The following ARHGAP10 variants were observed in gnomAD, a reference collection of about 807,000 sequenced individuals.
ARHGAP10 encodes the protein Rho GTPase activating protein 10.
A neutral mutation model predicts 108.6 loss-of-function variants in ARHGAP10; 87 were observed. The ratio of observed to expected loss-of-function variants is 0.80; its 90% CI spans 0.67 to 0.96. The LOEUF is 0.96. ARHGAP10 is among the 40% of genes least tolerant of loss of function. The pLI, the probability that ARHGAP10 is intolerant of heterozygous loss-of-function variation, is 0.00. For synonymous variants in ARHGAP10, 347 were observed against 341.1 expected, an observed-to-expected ratio of 1.02 and a Z score of -0.19; for missense variants, 939 against 954.5, an observed-to-expected ratio of 0.98 and a Z score of 0.21.
chr4:147,923,205 A>G (rs1737319519), intron 13 of ARHGAP10, among the ~76,000 whole-genome samples: 1 of 152,204 alleles, frequency 6.6e-6, no homozygotes, highest in Non-Finnish European at 1.5e-5. Flanking sequence ...AACTGTGGGT[A>G]ATATATTAGA....
chr4:147,872,074 C>G (rs1365288142), intron 7 of ARHGAP10, among the ~76,000 whole-genome samples: 1 of 146,866 alleles, frequency 6.8e-6, no homozygotes, highest in Non-Finnish European at 1.5e-5. Context: ...TTTACTCCAG[C>G]CTGACCAACA....
intron 5 of ARHGAP10, chr4:147,862,813 A>G (rs1468680690): frequency 2.0e-5 from 3 of 152,240 alleles, no homozygotes. Context: ...ATAACAAATG[A>G]GGAAATCACC....
In ARHGAP10 at chr4:147,732,093, G is replaced by A; in HGVS notation, c.-209G>A. ...CGGCGGGGGCTGCCGGGATTGGGGC[G>A]CCGCAGCTAGCGCTGGTCTCGGTGG... is the stretch of plus-strand genomic sequence containing the variant. On this transcript the variant is annotated 5_prime_UTR_variant, in exon 1 of 23. Transcript: ENST00000336498. 5.9e-6 allele frequency: 2 copies of A among 340,638 alleles called. No homozygotes were observed. The highest frequency in any genetic ancestry group is 1.0e-5 in the Non-Finnish European group (2 of 196,904). 21.1% of individuals were successfully genotyped at this position (340,638 alleles called of 1,614,324 possible).
chr4:147,755,805 G>T (rs964706359), intron 1 of ARHGAP10, among the ~76,000 whole-genome samples: 6 of 151,898 alleles, frequency 4.0e-5, no homozygotes, highest in African/African-American at 1.4e-4. Flanking sequence ...GTGGTTGTGG[G>T]TGTGTGTGTG....
intron 22 of ARHGAP10, among the ~76,000 whole-genome samples, chr4:148,071,634 C>CA (rs1255734211): frequency 3.1e-4 from 33 of 105,206 alleles, no homozygotes; most frequent in Admixed American, 1.1e-3. Context: ...AACAAACAAA[C>CA]AAACAAAAAA....
At chr4:147,839,130 ATCTATCTATCTATCTGTCTG>A (rs1195023629) in intron 3 of ARHGAP10, among the ~76,000 whole-genome samples, 3 of 147,886 alleles carry the variant, frequency 2.0e-5, no homozygotes, top group African/African-American at 7.7e-5. Context: ...CTATCTATCT[ATCTATCTATCTATCTGTCTG>A]TCTGTCTATG....
chr4:148,037,356 T>G (rs996641263), intron 19 of ARHGAP10, among the ~76,000 whole-genome samples: 2 of 152,204 alleles, frequency 1.3e-5, no homozygotes, highest in African/African-American at 4.8e-5. Flanking sequence ...TGTGGACAAC[T>G]AAAGCATCTT....
intron 1 of ARHGAP10, among the ~76,000 whole-genome samples, chr4:147,777,252 G>T (rs1159723459): frequency 6.6e-6 from 1 of 151,502 alleles, no homozygotes; most frequent in Non-Finnish European, 1.5e-5. Context: ...TCTGGGTAGG[G>T]TGTGATTTTC....
intron 15 of ARHGAP10, among the ~76,000 whole-genome samples, chr4:147,951,624 T>C (rs1738604241): frequency 6.6e-6 from 1 of 152,024 alleles, no homozygotes; most frequent in South Asian, 2.1e-4. Context: ...TTTCAAAACA[T>C]TAAAAAAAAA....
chr4:148,056,844 A>G (rs1378702226), intron 20 of ARHGAP10, among the ~76,000 whole-genome samples: 1 of 152,220 alleles, frequency 6.6e-6, no homozygotes, highest in African/African-American at 2.4e-5. Flanking sequence ...TAGTGATGAT[A>G]TAACCCTAGA....
chr4:147,888,865 A>G (rs1290939399), intron 10 of ARHGAP10, among the ~76,000 whole-genome samples: 3 of 152,212 alleles, frequency 2.0e-5, no homozygotes, highest in African/African-American at 7.2e-5. Flanking sequence ...CGAAAGCATT[A>G]TTTAGTGAAA....
At chr4:148,006,215 G>A (rs960990134) in intron 18 of ARHGAP10, among the ~76,000 whole-genome samples, 5 of 152,300 alleles carry the variant, frequency 3.3e-5, no homozygotes, top group East Asian at 1.9e-4. Flanking sequence ...CATGCTCACC[G>A]TGTAGAGAGG....
chr4:147,831,865 G>T (rs1462867426), intron 3 of ARHGAP10, among the ~76,000 whole-genome samples: 1 of 152,172 alleles, frequency 6.6e-6, no homozygotes, highest in East Asian at 1.9e-4. Flanking sequence ...CAGGAGGCCT[G>T]TCTCCTTCTT....
chr4:148,061,719 A>C (rs906588388), intron 20 of ARHGAP10, among the ~76,000 whole-genome samples: 1 of 152,010 alleles, frequency 6.6e-6, no homozygotes, highest in Admixed American at 6.6e-5. Context: ...TGTAAAATCC[A>C]CTTTTGGTTT....
In ARHGAP10 at chr4:147,939,828, T is replaced by A; in HGVS notation, c.1232T>A (p.Ile411Lys). Residue 411 changes from isoleucine (I) to lysine (K), a missense_variant, in exon 14 of 23, where the codon ATA becomes AAA. Physicochemically the swap from Ile to Lys is moderately radical, Grantham distance 102. Transcript: ENST00000336498. ...KCISAVETRG[I>K]NDQGLYRVVG... ...AATAGTTTGTTTCTTCCCATAGGTA[T>A]AAATGACCAAGGATTGTACAGAGTT... 1 of 1,613,976 alleles carries A rather than the reference T, an allele frequency of 6.2e-7. No homozygotes were observed. Among genetic ancestry groups the A allele is most frequent in the Non-Finnish European group, 8.5e-7 (1 of 1,179,832 alleles).
At chr4:147,747,080 C>G (rs1260051923) in intron 1 of ARHGAP10, among the ~76,000 whole-genome samples, 1 of 151,874 alleles carries the variant, frequency 6.6e-6, no homozygotes, top group Non-Finnish European at 1.5e-5. Context: ...TCATGATACC[C>G]AGAAAGGCCG....
At chr4:147,993,150 T>C (rs1404504725) in intron 18 of ARHGAP10, among the ~76,000 whole-genome samples, 1 of 152,226 alleles carries the variant, frequency 6.6e-6, no homozygotes, top group Non-Finnish European at 1.5e-5. Context: ...ATGAATTCTT[T>C]TGATTGTCAT....
intron 18 of ARHGAP10, among the ~76,000 whole-genome samples, chr4:147,998,470 G>A (rs1182636134): frequency 6.6e-6 from 1 of 152,220 alleles, no homozygotes; most frequent in Non-Finnish European, 1.5e-5. Context: ...CATAGTGAAG[G>A]AAAACTGCAA....
intron 7 of ARHGAP10, among the ~76,000 whole-genome samples, chr4:147,871,568 G>A (rs908367906): frequency 6.6e-6 from 1 of 152,150 alleles, no homozygotes; most frequent in African/African-American, 2.4e-5. Flanking sequence ...AGGCAGCAGT[G>A]ATCTTTTATT....
Sources: allele counts gnomAD v4.1 joint callset (sites outside exome capture counted in the v4.1 genomes callset), GRCh38; gene constraint gnomAD v4.1.1; transcripts MANE v1.5; gene names NCBI Gene and HGNC (gene_info 2026-07-23, HGNC 2026-07-21).